NOVA2: variants seen among roughly 807,000 people sequenced by gnomAD.
NOVA2 encodes the protein NOVA alternative splicing regulator 2.
NOVA2 carries 9 observed loss-of-function variants against 22.5 expected under a neutral mutation model. That is an observed-to-expected ratio of 0.40 (90% CI 0.24 to 0.70). NOVA2 has a LOEUF of 0.70. Ranked by LOEUF, NOVA2 falls within the 30% of genes least tolerant of loss-of-function variation. NOVA2 has a pLI of 0.38. For missense variants in NOVA2, 383 were observed against 682.8 expected (o/e 0.56, Z 4.89); for synonymous variants, 318 against 335.2 (o/e 0.95, Z 0.56).
intron 1 of NOVA2, among the ~76,000 whole-genome samples, chr19:45,969,509 G>GAAAAA (rs397946088): frequency 2.0e-4 from 8 of 40,546 alleles, no homozygotes; most frequent in Non-Finnish European, 1.9e-4. Context: ...CCCTGTCTCA[G>GAAAAA]AAAAAAAAAA....
At position 45,940,562 on chromosome 19, in the gene NOVA2, G is replaced by A. The variant is rs773488482; in HGVS notation, c.780C>T (p.Gly260=). ...GCAGCGCGGCGGGAAAGGCCCCCAC[G>A]CCAGCCAGCCCGGCGGGGCCCAGCA... ...SGLLGPAGLA[G]VGAFPAALPA... is the part of the protein sequence containing the mutation. Residue 260 remains glycine (G), a synonymous_variant, in exon 4 of 4, where the codon GGC becomes GGT. Transcript: ENST00000263257. 62 of 1,462,818 alleles carry A rather than the reference G, an allele frequency of 4.2e-5. No homozygotes were observed. In the East Asian group the frequency reaches 1.5e-3, roughly 35 times the overall value. 90.6% of individuals were successfully genotyped at this position (1,462,818 alleles called of 1,614,324 possible). A position where few individuals can be genotyped will look rare whatever the true frequency, so the allele number is the denominator to read the frequency against.
At chr19:45,951,557 G>A (rs1180726285) in intron 3 of NOVA2, among the ~76,000 whole-genome samples, 1 of 151,704 alleles carries the variant, frequency 6.6e-6, no homozygotes, top group Non-Finnish European at 1.5e-5. Context: ...GTTGTAGGTT[G>A]CAGTGAGCTG....
intron 1 of NOVA2, among the ~76,000 whole-genome samples, chr19:45,964,880 T>C (rs1045902735): frequency 7.9e-5 from 12 of 152,062 alleles, no homozygotes; most frequent in African/African-American, 2.9e-4. Context: ...CCTCTTAAGA[T>C]GAAAGTTCTG....
At chr19:45,954,221 C>T (rs1352890154) in intron 2 of NOVA2, among the ~76,000 whole-genome samples, 1 of 152,214 alleles carries the variant, frequency 6.6e-6, no homozygotes, top group African/African-American at 2.4e-5. Context: ...TTGCGATGCC[C>T]ACAGCAGCCC....
intron 2 of NOVA2, among the ~76,000 whole-genome samples, chr19:45,957,272 C>T (rs1303058524): frequency 6.6e-6 from 1 of 152,072 alleles, no homozygotes; most frequent in Non-Finnish European, 1.5e-5. Flanking sequence ...GGTGCAGTGG[C>T]TCACGCCTGT....
intron 3 of NOVA2, among the ~76,000 whole-genome samples, chr19:45,944,173 A>C (rs1967803129): frequency 6.6e-6 from 1 of 152,078 alleles, no homozygotes; most frequent in Admixed American, 6.6e-5. Context: ...GGGTGCAGTG[A>C]CTCACACCTG....
In NOVA2 at chr19:45,934,030, G is replaced by A. The variant is rs1236680816; in HGVS notation, c.*5833C>T. 6.6e-6 allele frequency: 1 copy of A among 152,466 alleles called. No homozygotes were observed. The highest frequency in any genetic ancestry group is 1.5e-5 in the Non-Finnish European group (1 of 68,244). The allele number at this position is 152,466 out of a possible 1,614,324, so 9.4% of individuals were successfully genotyped here. ...GGATGGAAGGAATCAGTTAGAGGGG[G>A]TTGAATGGAGGCACTGGAGGCATGG... On this transcript the variant is annotated 3_prime_UTR_variant, in exon 4 of 4. Coordinates refer to ENST00000263257, the MANE Select transcript of NOVA2 (RefSeq NM_002516.4).
intron 3 of NOVA2, among the ~76,000 whole-genome samples, chr19:45,949,172 A>T (rs1179820971): frequency 6.6e-6 from 1 of 152,142 alleles, no homozygotes; most frequent in African/African-American, 2.4e-5. Flanking sequence ...CATGGGCACA[A>T]GGTTTCTTTT....
intron 3 of NOVA2, among the ~76,000 whole-genome samples, 188 bp from the exon 4 acceptor site, chr19:45,941,133 T>C (rs942921131): frequency 1.3e-5 from 2 of 151,428 alleles, no homozygotes; most frequent in Admixed American, 1.3e-4. Flanking sequence ...CTAGTAAAAA[T>C]CCAAAAATTA....
At position 45,938,017 on chromosome 19, in the gene NOVA2, T is replaced by C. The variant is rs1214737648; in HGVS notation, c.*1846A>G. On this transcript the variant is annotated 3_prime_UTR_variant, in exon 4 of 4. Coordinates refer to ENST00000263257, the MANE Select transcript of NOVA2 (RefSeq NM_002516.4). ...TTGGAAGACCTAGGAGGCGGACAAA[T>C]GGGGGAGAGGGTGGGCATGGGGCGC... The C allele has an allele frequency of 6.6e-6, 1 of 151,622 alleles. No individual in the cohort carries two copies. The highest frequency in any genetic ancestry group is 2.0e-4 in the East Asian group (1 of 5,122). The allele number at this position is 151,622 out of a possible 1,614,324, so 9.4% of individuals were successfully genotyped here. A position where few individuals can be genotyped will look rare whatever the true frequency, so the allele number is the denominator to read the frequency against.
In NOVA2 at chr19:45,940,958, CA is replaced by C. The variant is rs770967720; in HGVS notation, c.397-14del. ...CGATCAGCTTGGCCTGCGTGGGGAG[CA>C]AAAGGGAGGGTCTTTAATTTTATTT... On this transcript the variant is annotated splice_polypyrimidine_tract_variant and intron_variant, in intron 3 of 3. Transcript: ENST00000263257. The C allele has an allele frequency of 1.1e-5, 18 of 1,586,676 alleles. No individual in the cohort carries two copies. The highest frequency in any genetic ancestry group is 1.4e-5 in the Non-Finnish European group (16 of 1,175,246).
Position 45,973,496 on chromosome 19 carries a change from G to C in NOVA2, c.-145C>G, listed in dbSNP as rs1018422308. The C allele has an allele frequency of 7.9e-6, 1 of 127,194 alleles. No homozygotes were observed. The highest frequency in any genetic ancestry group is 3.0e-5 in the African/African-American group (1 of 33,526). 7.9% of individuals were successfully genotyped at this position (127,194 alleles called of 1,614,324 possible). On this transcript the variant is annotated 5_prime_UTR_variant, in exon 1 of 4. Coordinates refer to ENST00000263257, the MANE Select transcript of NOVA2 (RefSeq NM_002516.4). ...GGGGCGGCGGCGGCTGCGGGGCCGC[G>C]GAGGCCGTGAAGAGGCCGTGCACCG...
chr19:45,958,933 C>A (rs571750318), intron 2 of NOVA2, among the ~76,000 whole-genome samples: 1 of 152,294 alleles, frequency 6.6e-6, no homozygotes, highest in African/African-American at 2.4e-5. Context: ...AACTACCAAC[C>A]TCTGGACTTC....
intron 1 of NOVA2, among the ~76,000 whole-genome samples, chr19:45,972,844 C>T (rs1306819197): frequency 1.3e-5 from 2 of 152,106 alleles, no homozygotes. Flanking sequence ...TCAGGACATC[C>T]CCAGGGAGGG....
intron 1 of NOVA2, among the ~76,000 whole-genome samples, chr19:45,966,496 G>C (rs533247211): frequency 1.4e-4 from 21 of 152,060 alleles, no homozygotes; most frequent in Non-Finnish European, 2.2e-4. Context: ...TTGAACTCCT[G>C]GGCTCAAGGG....
intron 3 of NOVA2, among the ~76,000 whole-genome samples, chr19:45,951,569 G>A (rs1470668949): frequency 1.3e-5 from 2 of 150,544 alleles, no homozygotes; most frequent in African/African-American, 4.9e-5. Flanking sequence ...AGTGAGCTGA[G>A]ACCAGGCCAT....
Position 45,940,745 on chromosome 19 carries a change from C to T in NOVA2, c.597G>A (p.Lys199=). 1 of 1,610,062 alleles carries T rather than the reference C, an allele frequency of 6.2e-7. No homozygotes were observed. Among genetic ancestry groups the T allele is most frequent in the Non-Finnish European group, 8.5e-7 (1 of 1,179,882 alleles). Residue 199 remains lysine, a synonymous_variant, in exon 4 of 4, where the codon AAG becomes AAA. Coordinates refer to ENST00000263257, the MANE Select transcript of NOVA2 (RefSeq NM_002516.4). ...TGCTGCTCTGGGGGTCTTCTTGTAC[C>T]TTCTGCACGATGGCGCTCACGGCCT... ...VHKAVSAIVQ[K]VQEDPQSSSC...
At chr19:45,959,821 G>GGAGAGAGAGAGAGAGAGAGAGAAA (rs1968068628) in intron 2 of NOVA2, among the ~76,000 whole-genome samples, 4 of 136,648 alleles carry the variant, frequency 2.9e-5, no homozygotes, top group South Asian at 2.3e-4. Context: ...AGACAGAGAG[G>GGAGAGAGAGAGAGAGAGAGAGAAA]GAGAGAGAGA....
At chr19:45,958,377 G>A (rs1043090714) in intron 2 of NOVA2, among the ~76,000 whole-genome samples, 6 of 102,642 alleles carry the variant, frequency 5.8e-5, no homozygotes, top group African/African-American at 1.5e-4. Flanking sequence ...GTGTGTGAGA[G>A]TGTGTGTGTG....
Sources: gnomAD v4.1 joint callset for allele counts (sites outside exome capture counted in the v4.1 genomes callset) on GRCh38, gnomAD v4.1.1 for gene constraint, MANE v1.5 for transcripts, NCBI Gene and HGNC (gene_info 2026-07-23, HGNC 2026-07-21) for gene names.